The following PTPRD variants were observed in gnomAD, a reference collection of about 807,000 sequenced individuals.
PTPRD encodes receptor-type tyrosine-protein phosphatase delta.
A neutral mutation model predicts 214.5 loss-of-function variants in PTPRD; 34 were observed. That is an observed-to-expected ratio of 0.16 (90% CI 0.12 to 0.21). PTPRD has a LOEUF of 0.21. Ranked by LOEUF, PTPRD falls within the 10% of genes least tolerant of loss-of-function variation. PTPRD has a pLI of 1.00. For synonymous variants in PTPRD, 1,128 were observed against 845.7 expected (o/e 1.33, Z -5.79); for missense variants, 2,545 against 2,398.7 (o/e 1.06, Z -1.27).
intron 3 of PTPRD, among the ~76,000 whole-genome samples, chr9:10,272,703 T>C (rs1380150571): frequency 6.6e-6 from 1 of 152,220 alleles, no homozygotes; most frequent in Non-Finnish European, 1.5e-5. Flanking sequence ...ACATAAGTAA[T>C]AGTTTATCCA....
At chr9:9,352,256 T>C (rs1353865862) in intron 9 of PTPRD, among the ~76,000 whole-genome samples, 1 of 151,634 alleles carries the variant, frequency 6.6e-6, no homozygotes, top group African/African-American at 2.4e-5. Context: ...CAGCTTTGTA[T>C]TGCTGGAAAT....
chr9:9,745,765 C>T (rs544800809), intron 6 of PTPRD, among the ~76,000 whole-genome samples: 24 of 152,202 alleles, frequency 1.6e-4, no homozygotes, highest in African/African-American at 5.3e-4. Context: ...CTACACAGGA[C>T]ATATTTCAGT....
intron 26 of PTPRD, among the ~76,000 whole-genome samples, chr9:8,494,007 GACACACAC>G (rs761859777): frequency 1.6e-4 from 15 of 91,622 alleles, no homozygotes; most frequent in South Asian, 1.0e-3. Flanking sequence ...CAGACACACA[GACACACAC>G]ACACACACAC....
intron 3 of PTPRD, among the ~76,000 whole-genome samples, chr9:10,254,557 A>G (rs2093076593): frequency 6.6e-6 from 1 of 152,282 alleles, no homozygotes; most frequent in South Asian, 2.1e-4. Flanking sequence ...CCCATCAGCT[A>G]TTTAGAGGAA....
chr9:8,717,317 CCT>C (rs1398947641), intron 12 of PTPRD, among the ~76,000 whole-genome samples: 1 of 152,130 alleles, frequency 6.6e-6, no homozygotes, highest in African/African-American at 2.4e-5. Flanking sequence ...TACGTCTCAT[CCT>C]CTCTGGCTGT....
chr9:10,350,005 C>T (rs1196483644), intron 2 of PTPRD, among the ~76,000 whole-genome samples: 1 of 152,198 alleles, frequency 6.6e-6, no homozygotes. Flanking sequence ...ACAGCAATGC[C>T]TATCAAGGCA....
chr9:9,944,110 C>G (rs775281831), intron 4 of PTPRD, among the ~76,000 whole-genome samples: 24 of 152,162 alleles, frequency 1.6e-4, no homozygotes, highest in South Asian at 1.4e-3. Context: ...AGTCACAAGA[C>G]AGAAAACCTT....
At chr9:10,025,012 T>C (rs1364707450) in intron 4 of PTPRD, among the ~76,000 whole-genome samples, 2 of 151,948 alleles carry the variant, frequency 1.3e-5, no homozygotes, top group African/African-American at 4.8e-5. Context: ...TGCCACATTT[T>C]CTTAATCCAG....
intron 4 of PTPRD, among the ~76,000 whole-genome samples, chr9:10,033,189 C>A (rs1567209329): frequency 1.3e-5 from 2 of 151,380 alleles, no homozygotes; most frequent in Non-Finnish European, 3.0e-5. Flanking sequence ...AGAGAGTTGG[C>A]AAATGGGGAG....
At chr9:9,798,608 G>A (rs1172146231) in intron 5 of PTPRD, among the ~76,000 whole-genome samples, 2 of 152,194 alleles carry the variant, frequency 1.3e-5, no homozygotes, top group African/African-American at 4.8e-5. Context: ...TTTCTCAAAT[G>A]TTAAGATGCC....
chr9:9,823,325 G>C (rs963805613), intron 5 of PTPRD, among the ~76,000 whole-genome samples: 3 of 151,914 alleles, frequency 2.0e-5, no homozygotes, highest in African/African-American at 7.2e-5. Flanking sequence ...ATAGGAGCAA[G>C]AGAGAAAGAG....
At chr9:8,845,989 G>A (rs952949377) in intron 11 of PTPRD, among the ~76,000 whole-genome samples, 1 of 152,158 alleles carries the variant, frequency 6.6e-6, no homozygotes, top group South Asian at 2.1e-4. Flanking sequence ...ATCATGCCAG[G>A]CAATTGCTTT....
chr9:10,056,390 G>C (rs2097649177), intron 3 of PTPRD, among the ~76,000 whole-genome samples: 1 of 149,056 alleles, frequency 6.7e-6, no homozygotes, highest in Admixed American at 6.7e-5. Context: ...GGTGCAAAAA[G>C]TATCAATAAA....
intron 2 of PTPRD, among the ~76,000 whole-genome samples, chr9:10,536,228 G>A (rs1038769393): frequency 4.6e-5 from 7 of 151,978 alleles, no homozygotes; most frequent in African/African-American, 1.7e-4. Context: ...CAATTATATA[G>A]GAAAAAGTAT....
chr9:9,693,527 T>C (rs1249973062), intron 7 of PTPRD, among the ~76,000 whole-genome samples: 2 of 152,158 alleles, frequency 1.3e-5, no homozygotes, highest in Non-Finnish European at 2.9e-5. Context: ...CTGTTCTTTA[T>C]AGCCGTGTGA....
At chr9:8,585,605 G>A (rs1001277914) in intron 14 of PTPRD, among the ~76,000 whole-genome samples, 13 of 152,170 alleles carry the variant, frequency 8.5e-5, no homozygotes, top group Admixed American at 7.2e-4. Context: ...TTGCAAAGTA[G>A]TCCTAACTCT....
At chr9:9,461,207 A>T (rs2093626145) in intron 8 of PTPRD, among the ~76,000 whole-genome samples, 1 of 151,730 alleles carries the variant, frequency 6.6e-6, no homozygotes, top group South Asian at 2.1e-4. Flanking sequence ...GTTAAAAAAA[A>T]ACTACCTATT....
At chr9:10,376,905 A>C (rs1255133646) in intron 2 of PTPRD, among the ~76,000 whole-genome samples, 1 of 152,028 alleles carries the variant, frequency 6.6e-6, no homozygotes, top group Non-Finnish European at 1.5e-5. Flanking sequence ...GTTATAAACA[A>C]TCCAATTATA....
chr9:9,247,068 C>A (rs1377133735), intron 9 of PTPRD, among the ~76,000 whole-genome samples: 1 of 151,976 alleles, frequency 6.6e-6, no homozygotes. Context: ...TCCTTTTCCC[C>A]AAAGCAAACC....
Sources: gnomAD v4.1 joint callset for allele counts (sites outside exome capture counted in the v4.1 genomes callset) on GRCh38, gnomAD v4.1.1 for gene constraint, MANE v1.5 for transcripts, NCBI Gene and HGNC (gene_info 2026-07-23, HGNC 2026-07-21) for gene names.